ARSA: variants seen among roughly 807,000 people sequenced by gnomAD.
ARSA encodes the protein arylsulfatase A.
A neutral mutation model predicts 37.8 loss-of-function variants in ARSA; 32 were observed. The ratio of observed to expected loss-of-function variants is 0.85; its 90% confidence interval spans 0.64 to 1.14. ARSA has a LOEUF of 1.14. Among genes scored for constraint, ARSA ranks in the 50% most tolerant of loss-of-function variants. The pLI, the probability that ARSA is intolerant of heterozygous loss-of-function variation, is 0.00. For synonymous variants in ARSA, 303 were observed against 303.4 expected, an observed-to-expected ratio of 1.00 and a Z score of 0.01; for missense variants, 685 against 686.3, an observed-to-expected ratio of 1.00 and a Z score of 0.02.
chr22:50,623,508 T>C lies in ARSA; in HGVS notation c.*1637A>G, dbSNP rs1603444791. Among the ~76,000 whole-genome samples the C allele has an allele frequency of 6.6e-6, 1 of 152,132 alleles. No individual in the cohort carries two copies. The highest frequency in any genetic ancestry group is 1.5e-5 in the Non-Finnish European group (1 of 68,010). On this transcript the variant is annotated 3_prime_UTR_variant, in exon 8 of 8. Transcript: ENST00000216124. ...AGGCTGGAGTGCAGTGGTACAATTATAGCTCACTACAGCCTCGACCTAGTG... is the reference window on the plus strand; with the variant it reads ...AGGCTGGAGTGCAGTGGTACAATTACAGCTCACTACAGCCTCGACCTAGTG...
In ARSA at chr22:50,626,294, C is replaced by T. The variant is rs777610879; in HGVS notation, c.855-16G>A. The T allele has an allele frequency of 8.2e-5, 132 of 1,609,048 alleles. No individual in the cohort carries two copies. Among genetic ancestry groups the T allele is most frequent in the Non-Finnish European group, 1.0e-4 (123 of 1,179,608 alleles). ...GGTCTCAGGTCTGGGACACAGGAGG[C>T]GCTCATGAGCCATGGAGCCACAGCC... On this transcript the variant is annotated splice_polypyrimidine_tract_variant and intron_variant, in intron 4 of 7. Transcript: ENST00000216124.
chr22:50,624,894 C>T lies in ARSA; in HGVS notation c.*251G>A, dbSNP rs150845594. On this transcript the variant is annotated 3_prime_UTR_variant, in exon 8 of 8. Transcript: ENST00000216124. Reference sequence around the variant, plus strand: ...AGCCACGACACCAGGGTTCAAATCCCAGCCCAACCTCTTTCTGGCTGGGTG... The same window carrying T: ...AGCCACGACACCAGGGTTCAAATCCTAGCCCAACCTCTTTCTGGCTGGGTG... 1.7e-5 allele frequency: 9 copies of T among 517,382 alleles called. No homozygotes were observed. The highest frequency in any genetic ancestry group is 5.1e-4 in the Middle Eastern group (1 of 1,944). 32.0% of individuals were successfully genotyped at this position (517,382 alleles called of 1,614,324 possible).
Position 50,627,229 on chromosome 22 carries a change from C to T in ARSA, c.402G>A (p.Gly134=). 1 of 1,609,584 alleles carries T rather than the reference C, an allele frequency of 6.2e-7. No individual in the cohort carries two copies. Among genetic ancestry groups the T allele is most frequent in the Non-Finnish European group, 8.5e-7 (1 of 1,178,300 alleles). ...AGCCCTGATGGGGGGGCAGGAAGGC[C>T]CCCTCAGGCCCCACCCCAAGGTGCC... ...GKWHLGVGPE[G]AFLPPHQGFH... Residue 134 remains glycine (G), a synonymous_variant, in exon 2 of 8, where the codon GGG becomes GGA. Transcript: ENST00000216124.
At chr22:50,626,513 G>A (rs1009059801) in intron 4 of ARSA, 78 bp downstream of exon 4, 11 of 1,593,046 alleles carry the variant, frequency 6.9e-6, no homozygotes, top group East Asian at 6.7e-5. Context: ...TATGTTCTTG[G>A]CAAGCAGCTG....
chr22:50,626,290 G>T lies in ARSA; in HGVS notation c.855-12C>A. On this transcript the variant is annotated splice_polypyrimidine_tract_variant and intron_variant, in intron 4 of 7. Coordinates refer to ENST00000216124, the MANE Select transcript of ARSA (RefSeq NM_000487.6). ...GCATGGTCTCAGGTCTGGGACACAG[G>T]AGGCGCTCATGAGCCATGGAGCCAC... 6.2e-7 allele frequency: 1 copy of T among 1,610,488 alleles called. No homozygotes were observed. The highest frequency in any genetic ancestry group is 8.5e-7 in the Non-Finnish European group (1 of 1,179,726).
rs199476388 is a variant in ARSA, at chr22:50,625,204, A to C, written c.1471T>G (p.Cys491Gly). Residue 491 changes from cysteine (C) to glycine (G), a missense_variant, in exon 8 of 8, where the codon TGT (cysteine) becomes GGT (glycine). By Grantham distance (159) the Cys-to-Gly change is radical. Transcript: ENST00000216124. ...RGEDPALQICCHPGCTPRPAC... is the reference protein window; with the variant it reads ...RGEDPALQICGHPGCTPRPAC... ...GGGCGGGGGGTGCAGCCAGGATGAC[A>C]GCAGATCTGCAGGGCGGGGTCCTCG... 1.9e-6 allele frequency: 3 copies of C among 1,605,906 alleles called. No homozygotes were observed. Among genetic ancestry groups the C allele is most frequent in the Non-Finnish European group, 2.6e-6 (3 of 1,175,910 alleles).
chr22:50,626,466 C>A, intron 4 of ARSA, 125 bp downstream of exon 4: 1 of 1,509,440 alleles, frequency 6.6e-7, no homozygotes, highest in Non-Finnish European at 9.0e-7. Flanking sequence ...TGGGCCCCTG[C>A]AACGTGGCCA....
chr22:50,626,221 C>G lies in ARSA; in HGVS notation c.912G>C (p.Lys304Asn), dbSNP rs199476343. Residue 304 changes from lysine to asparagine, a missense_variant, in exon 5 of 8, where the codon AAG (lysine) becomes AAC (asparagine). Coordinates refer to ENST00000216124, the MANE Select transcript of ARSA (RefSeq NM_000487.6). ...GGCSGLLRCG[K>N]GTTYEGGVRE... ...GGACACCGCCCTCGTAGGTCGTTCC[C>G]TTTCCACACCGCAAGAGACCGGAGC... 3 of 1,613,436 alleles carry G rather than the reference C, an allele frequency of 1.9e-6. No homozygotes were observed. The highest frequency in any genetic ancestry group is 1.3e-5 in the African/African-American group (1 of 74,936).
At position 50,623,282 on chromosome 22, in the gene ARSA, C is replaced by A; in HGVS notation, c.*1863G>T. The A allele has an allele frequency of 6.6e-6, 1 of 152,360 alleles. No individual in the cohort carries two copies. 9.4% of individuals were successfully genotyped at this position (152,360 alleles called of 1,614,324 possible). ...GGCCAACAATGGAGGCAGAGCGTTG[C>A]CGTTGAAGGGAACAGCCAGGCCACC... On this transcript the variant is annotated 3_prime_UTR_variant, in exon 8 of 8. Transcript: ENST00000216124.
Position 50,626,312 on chromosome 22 carries a change from C to G in ARSA, c.855-34G>C, listed in dbSNP as rs1290089810. On this transcript the variant is annotated intron_variant, in intron 4 of 7. Transcript: ENST00000216124. ...CAGGAGGCGCTCATGAGCCATGGAG[C>G]CACAGCCTCTGAGCCACCGAGGGTG... 3 of 1,605,596 alleles carry G rather than the reference C, an allele frequency of 1.9e-6. No individual in the cohort carries two copies. The Admixed American group carries it at 5.0e-5, about 27-fold the overall frequency.
rs76841085 is a variant in ARSA at position 50,623,776 on chromosome 22, G to A, written c.*1369C>T. ...TAGCTGGGCATGGCAGCACACACCT[G>A]TAGTTCCAGCTACTAGGGAGGCTGA... On this transcript the variant is annotated 3_prime_UTR_variant, in exon 8 of 8. Transcript: ENST00000216124. 12,101 of 152,020 alleles carry A rather than the reference G, an allele frequency of 0.08. 585 individuals carry two copies. The highest frequency in any genetic ancestry group is 0.27 in the East Asian group (1,375 of 5,060). The allele number at this position is 152,020 out of a possible 1,614,324, so 9.4% of individuals were successfully genotyped here.
chr22:50,623,355 A>G lies in ARSA; in HGVS notation c.*1790T>C. ...GTGTGGGTGGAGGCCTCAAGGGCAAACTGGGTCACTGTAAGGGGTTTGGAT... is the reference window on the plus strand; with the variant it reads ...GTGTGGGTGGAGGCCTCAAGGGCAAGCTGGGTCACTGTAAGGGGTTTGGAT... On this transcript the variant is annotated 3_prime_UTR_variant, in exon 8 of 8. Coordinates refer to ENST00000216124, the MANE Select transcript of ARSA (RefSeq NM_000487.6). 1 of 152,244 alleles carries G rather than the reference A, an allele frequency of 6.6e-6. No individual in the cohort carries two copies. The highest frequency in any genetic ancestry group is 2.4e-5 in the African/African-American group (1 of 41,468). 9.4% of individuals were successfully genotyped at this position (152,244 alleles called of 1,614,324 possible).
chr22:50,625,601 G>A lies in ARSA; in HGVS notation c.1188C>T (p.Tyr396=). ...RGVFAVRTGK[Y]KAHFFTQGSA... ...TACCCTGGGTGAAGAAGTGAGCCTT[G>A]TACTTTCCAGTCCGCACAGCAAAAA... Residue 396 remains tyrosine, a synonymous_variant, in exon 7 of 8, where the codon TAC becomes TAT. Transcript: ENST00000216124. 3.1e-6 allele frequency: 5 copies of A among 1,613,618 alleles called. No individual in the cohort carries two copies. The highest frequency in any genetic ancestry group is 3.4e-6 in the Non-Finnish European group (4 of 1,179,970).
rs146160737 is a variant in ARSA at position 50,625,042 on chromosome 22, G to A, written c.*103C>T. ...ATTGTCACATCTGCAAGTCTCCACTGGTGTTATTACGTTATCAGGCACAAA... is the reference window on the plus strand; with the variant it reads ...ATTGTCACATCTGCAAGTCTCCACTAGTGTTATTACGTTATCAGGCACAAA... On this transcript the variant is annotated 3_prime_UTR_variant, in exon 8 of 8. Transcript: ENST00000216124. The A allele has an allele frequency of 1.0e-3, 1,296 of 1,287,372 alleles. 2 individuals are homozygous for A. Among genetic ancestry groups the A allele is most frequent in the South Asian group, 2.3e-3 (151 of 64,286 alleles). 79.7% of individuals were successfully genotyped at this position (1,287,372 alleles called of 1,614,324 possible).
In ARSA at chr22:50,627,235, A is replaced by G. The variant is rs1009127840; in HGVS notation, c.396T>C (p.Pro132=). 6.2e-7 allele frequency: 1 copy of G among 1,608,886 alleles called. No homozygotes were observed. The highest frequency in any genetic ancestry group is 1.3e-5 in the African/African-American group (1 of 74,818). Reference sequence around the variant, plus strand: ...GATGGGGGGGCAGGAAGGCCCCCTCAGGCCCCACCCCAAGGTGCCACTTGC... The same window carrying G: ...GATGGGGGGGCAGGAAGGCCCCCTCGGGCCCCACCCCAAGGTGCCACTTGC... ...MAGKWHLGVG[P]EGAFLPPHQG... Residue 132 remains proline (P), a synonymous_variant, in exon 2 of 8, where the codon CCT becomes CCC. Coordinates refer to ENST00000216124, the MANE Select transcript of ARSA (RefSeq NM_000487.6).
In ARSA at chr22:50,625,101, T is replaced by C. The variant is rs1005640475; in HGVS notation, c.*44A>G. ...AGACACCTGAGCCTCCCCCACAGGC[T>C]CCCAGTGAGGAGCCATCACATGCCC... On this transcript the variant is annotated 3_prime_UTR_variant, in exon 8 of 8. Transcript: ENST00000216124. 9 of 1,482,182 alleles carry C rather than the reference T, an allele frequency of 6.1e-6. No homozygotes were observed. The African/African-American group carries it at 1.1e-4, about 18-fold the overall frequency. 91.8% of individuals were successfully genotyped at this position (1,482,182 alleles called of 1,614,324 possible). A position where few individuals can be genotyped will look rare whatever the true frequency, so the allele number is the denominator to read the frequency against.
chr22:50,624,403 T>C lies in ARSA; in HGVS notation c.*742A>G, dbSNP rs968981639. On this transcript the variant is annotated 3_prime_UTR_variant, in exon 8 of 8. Coordinates refer to ENST00000216124, the MANE Select transcript of ARSA (RefSeq NM_000487.6). ...ATTTTTAAGAGATCACTTTGTCTGC[T>C]GGGTGGAGAATCGTTAGTAGTGGGT... Among the ~76,000 whole-genome samples the C allele has an allele frequency of 1.3e-5, 2 of 152,166 alleles. No individual in the cohort carries two copies. The highest frequency in any genetic ancestry group is 2.9e-5 in the Non-Finnish European group (2 of 68,038).
At chr22:50,626,086 T>C in intron 5 of ARSA, 23 bp from the exon 6 acceptor site, 1 of 1,599,354 alleles carries the variant, frequency 6.3e-7, no homozygotes, top group Admixed American at 1.8e-5. Context: ...GGCTGGTCAG[T>C]CACTCAGTTC....
At chr22:50,627,111 GGGCTGGGGGACTTTGGGAGGTGGGAGGGT>G in intron 2 of ARSA, 26 bp downstream of exon 2, 1 of 1,595,838 alleles carries the variant, frequency 6.3e-7, no homozygotes, top group Non-Finnish European at 8.6e-7. Flanking sequence ...GGAGCATCAA[GGGCTGGGGGACTTTGGGAGGTGGGAGGGT>G]GGCTGAGGGC....
Sources: gnomAD v4.1 joint callset for allele counts (sites outside exome capture counted in the v4.1 genomes callset) on GRCh38, gnomAD v4.1.1 for gene constraint, MANE v1.5 for transcripts, NCBI Gene and HGNC (gene_info 2026-07-23, HGNC 2026-07-21) for gene names.